ASTN2: variants seen among roughly 807,000 people sequenced by gnomAD.
ASTN2 encodes the protein astrotactin-2.
In ASTN2, 54 loss-of-function variants were observed where a neutral mutation model predicts 139.8. The ratio of observed to expected loss-of-function variants is 0.39; its 90% CI spans 0.31 to 0.48. The LOEUF (loss-of-function observed/expected upper bound fraction) is 0.48, where lower values mean the gene tolerates loss of function less well. Among genes scored for constraint, ASTN2 ranks in the 20% least tolerant of loss-of-function variants. ASTN2 has a pLI of 0.95. For synonymous variants in ASTN2, 756 were observed against 719.5 expected (o/e 1.05, Z -0.81); for missense variants, 1,565 against 1,725.1 (o/e 0.91, Z 1.64).
intron 17 of ASTN2, among the ~76,000 whole-genome samples, chr9:116,626,172 T>G (rs1278715699): frequency 3.8e-5 from 5 of 132,294 alleles, no homozygotes; most frequent in Admixed American, 7.5e-5. Context: ...TTTTTTTTTT[T>G]TTTTTTTTTT....
chr9:117,084,775 G>A (rs1391674906), intron 5 of ASTN2, among the ~76,000 whole-genome samples: 1 of 152,210 alleles, frequency 6.6e-6, no homozygotes, highest in Non-Finnish European at 1.5e-5. Context: ...ATATATCAAG[G>A]AAGCTTGAGA....
chr9:117,031,881 T>C (rs1281216409), intron 6 of ASTN2, among the ~76,000 whole-genome samples: 3 of 151,974 alleles, frequency 2.0e-5, no homozygotes, highest in African/African-American at 7.3e-5. Context: ...TCAAAACAAG[T>C]AAAAAAGAAG....
At position 117,285,313 on chromosome 9, in the gene ASTN2, T is replaced by C. The variant is rs1834421676; in HGVS notation, c.630+6013A>G. On this transcript the variant is annotated intron_variant, in intron 2 of 22. Transcript: ENST00000313400. ...TTTTTTTTTTTCTATCTCTTTTTTT[T>C]CTAGCAGATAGGCTTTTCATTGCTA... Among the ~76,000 whole-genome samples the C allele has an allele frequency of 2.6e-5, 4 of 151,952 alleles. No individual in the cohort carries two copies. In the South Asian group the frequency reaches 8.3e-4, roughly 32 times the overall value.
At chr9:116,684,805 A>C (rs191293825) in intron 16 of ASTN2, among the ~76,000 whole-genome samples, 93 of 152,342 alleles carry the variant, frequency 6.1e-4, no homozygotes, top group African/African-American at 2.1e-3. Flanking sequence ...ACCCAAAGTG[A>C]TGGACTGAAA....
chr9:116,497,710 G>A (rs1482357359), intron 19 of ASTN2, among the ~76,000 whole-genome samples: 1 of 152,004 alleles, frequency 6.6e-6, no homozygotes, highest in African/African-American at 2.4e-5. Flanking sequence ...GCTGATTTGG[G>A]GACCAGGCTG....
chr9:116,778,044 A>G (rs145880249), intron 13 of ASTN2, among the ~76,000 whole-genome samples: 2,559 of 152,050 alleles, frequency 0.017, 43 homozygotes, highest in South Asian at 0.053. Context: ...ACGGGGTTTC[A>G]CCATATTGGC....
intron 4 of ASTN2, among the ~76,000 whole-genome samples, chr9:117,105,451 T>G (rs1035882694): frequency 6.6e-6 from 1 of 152,136 alleles, no homozygotes; most frequent in Non-Finnish European, 1.5e-5. Context: ...AACCTTCTAG[T>G]TGATTCTACC....
intron 1 of ASTN2, among the ~76,000 whole-genome samples, chr9:117,321,346 G>A (rs573220526): frequency 1.2e-4 from 19 of 152,102 alleles, no homozygotes; most frequent in Non-Finnish European, 2.4e-4. Flanking sequence ...CTGGCTGCAG[G>A]GATCAGTCTC....
intron 6 of ASTN2, among the ~76,000 whole-genome samples, chr9:117,015,259 TCCA>T (rs1837641890): frequency 6.6e-6 from 1 of 152,120 alleles, no homozygotes. Context: ...GCTCAAGCGA[TCCA>T]CCTGCCTTGG....
chr9:117,008,556 G>T (rs1837425672), intron 6 of ASTN2, among the ~76,000 whole-genome samples: 1 of 152,168 alleles, frequency 6.6e-6, no homozygotes, highest in African/African-American at 2.4e-5. Flanking sequence ...AAGTCACAAA[G>T]TGCCCCTGGG....
chr9:116,699,424 T>A lies in ASTN2; in HGVS notation c.2806+26347A>T, dbSNP rs757432259. The A allele has an allele frequency of 1.2e-6, 2 of 1,614,032 alleles. No homozygotes were observed. Among genetic ancestry groups the A allele is most frequent in the African/African-American group, 2.7e-5 (2 of 74,914 alleles). ...GGCTCTGTAGGCCCTGATGGGCAGC[T>A]GGGTCGCCAGATTAGCCACTTCTTC... On this transcript the variant is annotated intron_variant, in intron 16 of 22. Transcript: ENST00000313400. This position sits in a 1 kb window ranked among gnomAD's most constrained non-coding sequence, Gnocchi z 4.2.
chr9:116,439,035 C>T (rs145429807), intron 22 of ASTN2, among the ~76,000 whole-genome samples: 368 of 152,242 alleles, frequency 2.4e-3, no homozygotes, highest in African/African-American at 8.1e-3. Context: ...CAGCTTCAGG[C>T]TCTGCTAGAA....
chr9:117,055,441 A>G (rs1167643324), intron 5 of ASTN2, among the ~76,000 whole-genome samples: 2 of 152,230 alleles, frequency 1.3e-5, no homozygotes, highest in African/African-American at 4.8e-5. Flanking sequence ...ACATAGTAAC[A>G]CACATATTTT....
chr9:116,920,535 T>C (rs1218575150), intron 10 of ASTN2, among the ~76,000 whole-genome samples: 5 of 152,236 alleles, frequency 3.3e-5, no homozygotes, highest in Non-Finnish European at 5.9e-5. Context: ...AGTGCCTTCT[T>C]GCCTTAATAG....
chr9:117,081,810 C>G (rs186659608), intron 5 of ASTN2, among the ~76,000 whole-genome samples: 1 of 152,146 alleles, frequency 6.6e-6, no homozygotes, highest in African/African-American at 2.4e-5. Context: ...AATCTGAGAA[C>G]GGTCCCTGCT....
rs267602102 is a variant in ASTN2 at position 116,440,688 on chromosome 9, G to A, written c.3703C>T (p.Arg1235Ter). 2 of 1,614,064 alleles carry A rather than the reference G, an allele frequency of 1.2e-6. No homozygotes were observed. Among genetic ancestry groups the A allele is most frequent in the Admixed American group, 1.7e-5 (1 of 60,012 alleles). The change falls in exon 22 of 23, where the codon CGA becomes TGA. Residue 1235 changes from arginine to a stop codon, truncating the protein, a stop_gained. Transcript: ENST00000313400. LOFTEE classifies it high-confidence loss of function. ...TGAGAGTTGTAGTGGTGCTGGACTC[G>A]GAACAGCATCGAGGCTGAGACCTCC... The part of the protein sequence containing the change: ...LMEVSASMLF[R>*]VQHHYNSHYE...
chr9:117,144,992 T>A (rs10759903), intron 3 of ASTN2, among the ~76,000 whole-genome samples: 100,420 of 151,002 alleles, frequency 0.67, 34,345 homozygotes, highest in East Asian at 0.83. Flanking sequence ...TCTTTTTTTT[T>A]AAAAACTTTT....
chr9:116,611,147 A>G (rs1855519511), intron 19 of ASTN2: 1 of 152,200 alleles, frequency 6.6e-6, no homozygotes, highest in Non-Finnish European at 1.5e-5. Context: ...AAACTCCCAA[A>G]TATTTGAAAA....
rs150616025 is a variant in ASTN2, at chr9:116,779,781, T to G, written c.2396+25851A>C. On this transcript the variant is annotated intron_variant, in intron 13 of 22. Transcript: ENST00000313400. ...ATGGCCAATATCAGGTCAAGGCTCC[T>G]TCCATGTCCACCTGGGTCAATAATT... Among the ~76,000 whole-genome samples the G allele has an allele frequency of 6.7e-3, 1,027 of 152,306 alleles. 13 individuals carry two copies. The highest frequency in any genetic ancestry group is 0.024 in the African/African-American group (985 of 41,560).
Sources: allele counts gnomAD v4.1 joint callset (sites outside exome capture counted in the v4.1 genomes callset), GRCh38; gene constraint gnomAD v4.1.1; non-coding constraint Gnocchi (gnomAD v3.1); transcripts MANE v1.5; gene names NCBI Gene and HGNC (gene_info 2026-07-23, HGNC 2026-07-21).